Variants in NEMF observed in about 807,000 individuals in gnomAD.
The protein encoded by NEMF is nuclear export mediator factor.
In NEMF, 89 loss-of-function variants were observed where a neutral mutation model predicts 162.2. That is an observed-to-expected ratio of 0.55 (90% CI 0.46 to 0.65). The LOEUF is 0.65. Among genes scored for constraint, NEMF ranks in the 30% least tolerant of loss-of-function variants. NEMF has a pLI of 0.00. For missense variants in NEMF, 1,133 were observed against 1,261.9 expected (o/e 0.90, Z 1.55); for synonymous variants, 421 against 404.5 (o/e 1.04, Z -0.49).
Position 49,838,209 on chromosome 14 carries a change from G to A in NEMF, c.507-3C>T, listed in dbSNP as rs1208594526. ...CGCTGGCTACTATTTCAGTCAACCTGTGAAACAAAACGGACATGCCTCTAT... is the reference window on the plus strand; with the variant it reads ...CGCTGGCTACTATTTCAGTCAACCTATGAAACAAAACGGACATGCCTCTAT... On this transcript the variant is annotated splice_region_variant and splice_polypyrimidine_tract_variant and intron_variant, in intron 5 of 32. Coordinates refer to ENST00000298310, the MANE Select transcript of NEMF (RefSeq NM_004713.6). The A allele has an allele frequency of 6.2e-7, 1 of 1,613,612 alleles. No homozygotes were observed. Among genetic ancestry groups the A allele is most frequent in the East Asian group, 2.2e-5 (1 of 44,862 alleles).
chr14:49,806,102 T>C lies in NEMF; in HGVS notation c.1776A>G (p.Glu592=). The C allele has an allele frequency of 6.2e-7, 1 of 1,612,378 alleles. No homozygotes were observed. The highest frequency in any genetic ancestry group is 1.3e-5 in the African/African-American group (1 of 74,528). The change falls in exon 19 of 33, where the codon GAA becomes GAG. Residue 592 remains glutamate, a synonymous_variant. Transcript: ENST00000298310. ...TGTAGCAAAGTGCCATTGTGCCAGC[T>C]TCAGTCAAGGTCCGTGGGGGGATGG... The part of the protein sequence containing the change: ...GEPIPPRTLT[E]AGTMALCYSA...
chr14:49,828,695 G>A lies in NEMF; in HGVS notation c.1345C>T (p.Gln449Ter). The A allele has an allele frequency of 1.2e-6, 2 of 1,606,036 alleles. No homozygotes were observed. The highest frequency in any genetic ancestry group is 1.7e-6 in the Non-Finnish European group (2 of 1,177,848). Reference sequence around the variant, plus strand: ...TTATTTTTCTGAGGCTTCTGCAGCTGTTTATTCTTTTGTTTTTTCTTTTTT... The same window carrying A: ...TTATTTTTCTGAGGCTTCTGCAGCTATTTATTCTTTTGTTTTTTCTTTTTT... ...KGKKKKQKNK[Q>*]LQKPQKNKPL... Residue 449 changes from glutamine to a stop codon, truncating the protein, a stop_gained, in exon 14 of 33, where the codon CAG becomes TAG. Coordinates refer to ENST00000298310, the MANE Select transcript of NEMF (RefSeq NM_004713.6). LOFTEE classifies it high-confidence loss of function.
At chr14:49,810,424 C>A (rs1891423069) in intron 18 of NEMF, among the ~76,000 whole-genome samples, 1 of 151,954 alleles carries the variant, frequency 6.6e-6, no homozygotes, top group Non-Finnish European at 1.5e-5. Context: ...ATTCTATCCC[C>A]ATTGGTCTTG....
intron 28 of NEMF, among the ~76,000 whole-genome samples, chr14:49,787,934 C>T (rs1376094090): frequency 1.3e-5 from 2 of 152,108 alleles, no homozygotes; most frequent in Non-Finnish European, 2.9e-5. Context: ...AAAAAAAATG[C>T]TGGTGACAAA....
chr14:49,809,290 G>A (rs1314076481), intron 18 of NEMF, among the ~76,000 whole-genome samples: 1 of 152,158 alleles, frequency 6.6e-6, no homozygotes, highest in East Asian at 1.9e-4. Context: ...GTAGATTAAT[G>A]GATAAACTGT....
At chr14:49,794,198 T>G (rs1267045844) in intron 26 of NEMF, among the ~76,000 whole-genome samples, 4 of 152,314 alleles carry the variant, frequency 2.6e-5, no homozygotes, top group African/African-American at 9.6e-5. Context: ...TACTACCTCA[T>G]AGGGAAATCC....
intron 18 of NEMF, among the ~76,000 whole-genome samples, chr14:49,809,968 G>A (rs1330296702): frequency 3.3e-5 from 5 of 152,034 alleles, no homozygotes; most frequent in Admixed American, 3.3e-4. Flanking sequence ...GGGGGATATC[G>A]ATAATAGGGG....
Position 49,784,428 on chromosome 14 carries a change from A to G in NEMF, c.*208T>C. 2.1e-6 allele frequency: 1 copy of G among 469,306 alleles called. No homozygotes were observed. The highest frequency in any genetic ancestry group is 3.8e-6 in the Non-Finnish European group (1 of 265,142). The allele number at this position is 469,306 out of a possible 1,614,324, so 29.1% of individuals were successfully genotyped here. ...TATTAATTAGCATTTAACTGTCCACAAATACTTTTGGAAATCCTATCATAG... is the reference window on the plus strand; with the variant it reads ...TATTAATTAGCATTTAACTGTCCACGAATACTTTTGGAAATCCTATCATAG... On this transcript the variant is annotated 3_prime_UTR_variant, in exon 33 of 33. Transcript: ENST00000298310.
At chr14:49,823,392 A>C (rs536055647) in intron 16 of NEMF, among the ~76,000 whole-genome samples, 78 of 151,976 alleles carry the variant, frequency 5.1e-4, no homozygotes, top group Non-Finnish European at 9.7e-4. Flanking sequence ...TTTTTTTAAA[A>C]AGGGTATATT....
chr14:49,795,952 A>C lies in NEMF; in HGVS notation c.2466-8T>G, dbSNP rs1890674820. The C allele has an allele frequency of 6.3e-7, 1 of 1,581,314 alleles. No individual in the cohort carries two copies. Among genetic ancestry groups the C allele is most frequent in the Non-Finnish European group, 8.5e-7 (1 of 1,170,042 alleles). On this transcript the variant is annotated splice_region_variant and splice_polypyrimidine_tract_variant and intron_variant, in intron 25 of 32. Coordinates refer to ENST00000298310, the MANE Select transcript of NEMF (RefSeq NM_004713.6). ...TTTTTCTTTTTCATTTCCCTGAATA[A>C]AAAAGACATGAAAACATTTCATTCT...
intron 25 of NEMF, among the ~76,000 whole-genome samples, chr14:49,798,359 T>G (rs1012860269): frequency 6.6e-6 from 1 of 152,206 alleles, no homozygotes; most frequent in Non-Finnish European, 1.5e-5. Context: ...CCATCACTCA[T>G]TGATTTACCA....
Position 49,782,881 on chromosome 14 carries a change from GAACTGC to G in NEMF, c.*1749_*1754del. 6.2e-7 allele frequency: 1 copy of G among 1,613,804 alleles called. No individual in the cohort carries two copies. On this transcript the variant is annotated 3_prime_UTR_variant, in exon 33 of 33. Coordinates refer to ENST00000298310, the MANE Select transcript of NEMF (RefSeq NM_004713.6). Reference sequence around the variant, plus strand: ...TTAAAGAAATGTTAGCCAACTCATGGAACTGCCTTCCAAAACACTTACTTCACAGTG... The same window carrying G: ...TTAAAGAAATGTTAGCCAACTCATGGCTTCCAAAACACTTACTTCACAGTG...
In NEMF at chr14:49,785,014, C is replaced by A. The variant is rs762992797; in HGVS notation, c.3074-10G>T. 6.8e-6 allele frequency: 11 copies of A among 1,611,154 alleles called. No individual in the cohort carries two copies. The highest frequency in any genetic ancestry group is 8.5e-6 in the Non-Finnish European group (10 of 1,178,270). On this transcript the variant is annotated splice_polypyrimidine_tract_variant and intron_variant, in intron 31 of 32. Transcript: ENST00000298310. ...AAGGCTGTTTTTGCAGCTGTAAATA[C>A]AAAAAAGAGTAAGAATAATCTACTG...
rs67644205 is a variant in NEMF, at chr14:49,806,232, GTATA to G, written c.1745-103_1745-100del. The G allele has an allele frequency of 2.5e-4, 9 of 36,264 alleles. 1 individual carries two copies. The East Asian group carries it at 2.7e-3, about 11-fold the overall frequency. 2.2% of individuals were successfully genotyped at this position (36,264 alleles called of 1,614,324 possible). On this transcript the variant is annotated intron_variant, in intron 18 of 32. Transcript: ENST00000298310. ...CCGCATGACAGGGTCAATGATATGT[GTATA>G]TATATATATATATATATATATTTTT...
At chr14:49,844,305 T>C (rs896880000) in intron 4 of NEMF, among the ~76,000 whole-genome samples, 1 of 152,012 alleles carries the variant, frequency 6.6e-6, no homozygotes, top group Non-Finnish European at 1.5e-5. Flanking sequence ...CAGTTCACAA[T>C]AGGGTTCACG....
intron 2 of NEMF, 69 bp downstream of exon 2, chr14:49,851,738 A>G: frequency 6.8e-7 from 1 of 1,468,294 alleles, no homozygotes. Flanking sequence ...CTTAAAATGT[A>G]GGTTAAAAAA....
intron 25 of NEMF, among the ~76,000 whole-genome samples, chr14:49,798,511 T>C (rs1163434825): frequency 6.6e-6 from 1 of 152,230 alleles, no homozygotes; most frequent in Non-Finnish European, 1.5e-5. Flanking sequence ...TGACCAAAAA[T>C]ATGCCAGAGG....
intron 4 of NEMF, among the ~76,000 whole-genome samples, chr14:49,843,996 G>A (rs559566683): frequency 1.3e-5 from 2 of 152,066 alleles, no homozygotes; most frequent in South Asian, 4.2e-4. Flanking sequence ...CTACTCAGGA[G>A]GCTGAGGCAC....
At chr14:49,851,986 G>A (rs533676982) in intron 1 of NEMF, 111 bp from the exon 2 acceptor site, 8 of 651,748 alleles carry the variant, frequency 1.2e-5, no homozygotes, top group Non-Finnish European at 1.8e-5. Flanking sequence ...TAAGGATATG[G>A]AGTCAGCCGA....
Sources: allele counts gnomAD v4.1 joint callset (sites outside exome capture counted in the v4.1 genomes callset), GRCh38; gene constraint gnomAD v4.1.1; transcripts MANE v1.5; gene names NCBI Gene and HGNC (gene_info 2026-07-23, HGNC 2026-07-21).